Variants in CPXM2 observed in about 807,000 individuals in gnomAD.
CPXM2 encodes the protein inactive carboxypeptidase-like protein X2.
CPXM2 carries 66 observed loss-of-function variants against 86.1 expected under a neutral mutation model. The ratio of observed to expected loss-of-function variants is 0.77; its 90% CI spans 0.63 to 0.94. The LOEUF is 0.94. Ranked by LOEUF, CPXM2 falls within the 40% of genes least tolerant of loss-of-function variation. The pLI is 0.00. For missense variants in CPXM2, 948 were observed against 1,026.3 expected (o/e 0.92, Z 1.04); for synonymous variants, 388 against 400.2 (o/e 0.97, Z 0.36).
intron 2 of CPXM2, among the ~76,000 whole-genome samples, chr10:123,903,090 T>C (rs941404085): frequency 6.6e-6 from 1 of 152,160 alleles, no homozygotes; most frequent in African/African-American, 2.4e-5. Context: ...TTGCAGCGGG[T>C]GAGGTCCTGT....
intron 7 of CPXM2, chr10:123,776,886 C>T (rs1409326949): frequency 6.6e-6 from 1 of 152,058 alleles, no homozygotes; most frequent in Non-Finnish European, 1.5e-5. Context: ...TATTGTTTAT[C>T]CAGTGAATGC....
intron 3 of CPXM2, among the ~76,000 whole-genome samples, chr10:123,857,650 AGATGGAAGGCGGCG>A (rs1414074839): frequency 0.032 from 3,711 of 117,046 alleles, 20 homozygotes; most frequent in African/African-American, 0.085. Context: ...GGCGGCGTGG[AGATGGAAGGCGGCG>A]TGGAGATGGA....
intron 4 of CPXM2, among the ~76,000 whole-genome samples, chr10:123,839,914 A>G (rs1297953638): frequency 6.6e-6 from 1 of 152,212 alleles, no homozygotes; most frequent in African/African-American, 2.4e-5. Context: ...TCTTAAAGTA[A>G]TTCTATCCCT....
upstream of CPXM2, among the ~76,000 whole-genome samples, chr10:123,942,966 C>A (rs11511764): frequency 0.098 from 14,694 of 150,444 alleles, 939 homozygotes; most frequent in South Asian, 0.18. Flanking sequence ...TATTGTGTCA[C>A]AATTGCCTGC....
chr10:123,811,357 T>C (rs892131263), intron 4 of CPXM2, among the ~76,000 whole-genome samples: 2 of 152,140 alleles, frequency 1.3e-5, no homozygotes, highest in African/African-American at 4.8e-5. Context: ...GTCCAAGTGT[T>C]CTCATTGTTC....
At chr10:123,903,760 CA>C (rs1480462547) in intron 2 of CPXM2, among the ~76,000 whole-genome samples, 2 of 152,252 alleles carry the variant, frequency 1.3e-5, no homozygotes, top group Non-Finnish European at 2.9e-5. Context: ...TGAAATTTTA[CA>C]ACAGATCTCG....
At chr10:123,748,108 A>T (rs1430672335) in intron 13 of CPXM2, among the ~76,000 whole-genome samples, 2 of 151,962 alleles carry the variant, frequency 1.3e-5, no homozygotes, top group Non-Finnish European at 2.9e-5. Flanking sequence ...GGCTCACTGA[A>T]CACTCCAAGT....
At chr10:123,804,025 T>G (rs1847524179) in intron 4 of CPXM2, among the ~76,000 whole-genome samples, 1 of 152,326 alleles carries the variant, frequency 6.6e-6, no homozygotes, top group Admixed American at 6.5e-5. Context: ...GTTATTTTCC[T>G]ATTGCACCAG....
At chr10:123,903,444 A>C (rs1289107800) in intron 2 of CPXM2, among the ~76,000 whole-genome samples, 1 of 151,000 alleles carries the variant, frequency 6.6e-6, no homozygotes, top group African/African-American at 2.5e-5. Flanking sequence ...CATGCACTGA[A>C]ATTGACTTTC....
intron 2 of CPXM2, among the ~76,000 whole-genome samples, chr10:123,903,978 T>C (rs924786557): frequency 1.3e-5 from 2 of 152,170 alleles, no homozygotes; most frequent in African/African-American, 2.4e-5. Context: ...CTGTGTGAGT[T>C]CACCCCATCT....
upstream of CPXM2, among the ~76,000 whole-genome samples, chr10:123,940,903 G>A (rs1044400644): frequency 3.9e-5 from 6 of 152,218 alleles, no homozygotes; most frequent in Non-Finnish European, 8.8e-5. Context: ...CGGACACGGT[G>A]GCTCACGCCT....
intron 4 of CPXM2, among the ~76,000 whole-genome samples, chr10:123,814,265 A>T (rs560357623): frequency 6.6e-6 from 1 of 152,288 alleles, no homozygotes; most frequent in Non-Finnish European, 1.5e-5. Context: ...GCACCATCTA[A>T]TCAGGGGCCA....
At position 123,891,778 on chromosome 10, in the gene CPXM2, C is replaced by T; in HGVS notation, c.-119G>A. 1.5e-6 allele frequency: 1 copy of T among 653,594 alleles called. No homozygotes were observed. Among genetic ancestry groups the T allele is most frequent in the Non-Finnish European group, 2.1e-6 (1 of 482,586 alleles). The allele number at this position is 653,594 out of a possible 1,614,324, so 40.5% of individuals were successfully genotyped here. A position where few individuals can be genotyped will look rare whatever the true frequency, so the allele number is the denominator to read the frequency against. ...GGCACAGCAGAGCGGCGCGCTTGGGCGCGGGAGGCGGCCGGCTGGCTGCGC... is the reference window on the plus strand; with the variant it reads ...GGCACAGCAGAGCGGCGCGCTTGGGTGCGGGAGGCGGCCGGCTGGCTGCGC... On this transcript the variant is annotated 5_prime_UTR_variant, in exon 1 of 14. Transcript: ENST00000241305. The surrounding 1 kb of genome is among the most constrained non-coding windows in gnomAD (Gnocchi z 5.6).
chr10:123,888,151 C>T (rs1362245500), intron 1 of CPXM2, among the ~76,000 whole-genome samples: 3 of 152,162 alleles, frequency 2.0e-5, no homozygotes, highest in Non-Finnish European at 2.9e-5. Context: ...GCATAAACCC[C>T]GCTACAGGGT....
chr10:123,785,446 C>A (rs779518371), intron 6 of CPXM2, among the ~76,000 whole-genome samples: 3 of 152,112 alleles, frequency 2.0e-5, no homozygotes, highest in African/African-American at 4.8e-5. Context: ...AACAACAAAG[C>A]AACCAACTTG....
upstream of CPXM2, among the ~76,000 whole-genome samples, chr10:123,941,330 G>C (rs188551602): frequency 6.6e-6 from 1 of 152,196 alleles, no homozygotes; most frequent in South Asian, 2.1e-4. Flanking sequence ...GCCTCTGCTG[G>C]TTGCCAGCTT....
chr10:123,924,183 G>T (rs1042896797), intron 2 of CPXM2, among the ~76,000 whole-genome samples: 2 of 152,204 alleles, frequency 1.3e-5, no homozygotes, highest in Non-Finnish European at 2.9e-5. Context: ...CTCCAACTGT[G>T]TGTTCTACTA....
At chr10:123,842,212 G>A in intron 4 of CPXM2, 137 bp downstream of exon 4, 1 of 1,177,254 alleles carries the variant, frequency 8.5e-7, no homozygotes, top group East Asian at 2.4e-5. Context: ...CCAGCCTCCT[G>A]TTCATATTCC....
chr10:123,862,500 C>A, intron 3 of CPXM2, 114 bp downstream of exon 3: 2 of 889,028 alleles, frequency 2.2e-6, no homozygotes, highest in South Asian at 1.4e-5. Flanking sequence ...TCCTTTCTTA[C>A]TGTGAGCATC....
Sources: gnomAD v4.1 joint callset for allele counts (sites outside exome capture counted in the v4.1 genomes callset) on GRCh38, gnomAD v4.1.1 for gene constraint, Gnocchi (gnomAD v3.1) non-coding constraint, MANE v1.5 for transcripts, NCBI Gene and HGNC (gene_info 2026-07-23, HGNC 2026-07-21) for gene names.